PYGL: variants seen among roughly 807,000 people sequenced by gnomAD.
The protein encoded by PYGL is glycogen phosphorylase, liver form.
Under a neutral mutation model 100.1 loss-of-function variants are expected in PYGL, and 90 were observed. That is an observed-to-expected ratio of 0.90 (90% CI 0.76 to 1.07). PYGL has a LOEUF of 1.07. PYGL is among the 50% of genes least tolerant of loss of function. The pLI is 0.00. For synonymous variants in PYGL, 373 were observed against 393.0 expected, an observed-to-expected ratio of 0.95 and a Z score of 0.60; for missense variants, 1,016 against 1,057.6, an observed-to-expected ratio of 0.96 and a Z score of 0.55.
intron 4 of PYGL, among the ~76,000 whole-genome samples, chr14:50,927,175 T>A (rs187382875): frequency 4.6e-5 from 7 of 152,284 alleles, no homozygotes; most frequent in Admixed American, 6.5e-5. Flanking sequence ...TCCTGTGGGC[T>A]CAGTCCCTGA....
intron 3 of PYGL, among the ~76,000 whole-genome samples, chr14:50,932,779 G>A (rs1230002754): frequency 6.6e-6 from 1 of 152,138 alleles, no homozygotes; most frequent in Non-Finnish European, 1.5e-5. Flanking sequence ...TTTAAGCTGA[G>A]AAATATACAC....
At chr14:50,912,858 G>A in intron 13 of PYGL, 171 bp downstream of exon 13, 1 of 607,004 alleles carries the variant, frequency 1.6e-6, no homozygotes, top group Non-Finnish European at 2.9e-6. Context: ...GGAGGCTGAG[G>A]CGGGATAATC....
In PYGL at chr14:50,909,826, C is replaced by T; in HGVS notation, c.2177+69G>A. The T allele has an allele frequency of 2.6e-6, 4 of 1,551,416 alleles. No homozygotes were observed. The Admixed American group carries it at 6.7e-5, about 26-fold the overall frequency. On this transcript the variant is annotated intron_variant, in intron 17 of 19. Coordinates refer to ENST00000216392, the MANE Select transcript of PYGL (RefSeq NM_002863.5). The stretch of plus-strand genomic sequence containing the variant: ...TGGGATATCGGTGTGGGCAGGAAGC[C>T]CTCTGAGGTCACATACCTTCTAGGG...
At chr14:50,942,881 C>T (rs148508203) in intron 1 of PYGL, among the ~76,000 whole-genome samples, 43 of 152,184 alleles carry the variant, frequency 2.8e-4, no homozygotes, top group African/African-American at 9.9e-4. Context: ...TATATGTATA[C>T]ATAAAGTGTT....
Position 50,915,320 on chromosome 14 carries a change from A to T in PYGL, c.1403+16T>A. On this transcript the variant is annotated intron_variant, in intron 11 of 19. Coordinates refer to ENST00000216392, the MANE Select transcript of PYGL (RefSeq NM_002863.5). Reference sequence around the variant, plus strand: ...GGATCAGTGTCAGACCCACTGCCAGAGTAATGGAGGCTCACACTTTAGTCT... The same window carrying T: ...GGATCAGTGTCAGACCCACTGCCAGTGTAATGGAGGCTCACACTTTAGTCT... 6.2e-7 allele frequency: 1 copy of T among 1,613,842 alleles called. No individual in the cohort carries two copies. Among genetic ancestry groups the T allele is most frequent in the Non-Finnish European group, 8.5e-7 (1 of 1,179,694 alleles).
At chr14:50,926,748 A>G (rs938099899) in intron 4 of PYGL, among the ~76,000 whole-genome samples, 72 of 150,038 alleles carry the variant, frequency 4.8e-4, no homozygotes, top group African/African-American at 1.3e-3. Flanking sequence ...AAAAAAAAAA[A>G]AAAAAGAAAA....
rs778476620 is a variant in PYGL at position 50,915,375 on chromosome 14, C to T, written c.1364G>A (p.Gly455Asp). 6.2e-7 allele frequency: 1 copy of T among 1,614,190 alleles called. No homozygotes were observed. Among genetic ancestry groups the T allele is most frequent in the South Asian group, 1.1e-5 (1 of 91,078 alleles). Reference sequence around the variant, plus strand: ...GATGTCTGAGTGGATTTTAGCCACGCCATTCACAGCATGGGAACCGACAAT... The same window carrying T: ...GATGTCTGAGTGGATTTTAGCCACGTCATTCACAGCATGGGAACCGACAAT... ...LCIVGSHAVN[G>D]VAKIHSDIVK... Residue 455 changes from glycine to aspartate, a missense_variant, in exon 11 of 20, where the codon GGC (glycine) becomes GAC (aspartate). Gly to Asp is a moderately conservative substitution (Grantham distance 94). Coordinates refer to ENST00000216392, the MANE Select transcript of PYGL (RefSeq NM_002863.5).
intron 12 of PYGL, chr14:50,913,351 TTTTA>T (rs754006566): frequency 3.4e-5 from 8 of 233,000 alleles, no homozygotes; most frequent in East Asian, 9.1e-5. Flanking sequence ...TAAAAATTAT[TTTTA>T]TTTATTTATT....
chr14:50,913,163 T>C, intron 12 of PYGL, 33 bp from the exon 13 acceptor site: 1 of 1,597,594 alleles, frequency 6.3e-7, no homozygotes, highest in Non-Finnish European at 8.6e-7. Context: ...GACTTCAATT[T>C]GGGGATGGTA....
At chr14:50,914,865 T>A in intron 11 of PYGL, 50 bp from the exon 12 acceptor site, 1 of 1,353,378 alleles carries the variant, frequency 7.4e-7, no homozygotes, top group Non-Finnish European at 1.1e-6. Flanking sequence ...CGGCAAAGGG[T>A]CCTGCACACT....
intron 7 of PYGL, among the ~76,000 whole-genome samples, chr14:50,917,611 C>T (rs570795162): frequency 2.5e-4 from 38 of 152,224 alleles, no homozygotes; most frequent in African/African-American, 3.9e-4. Context: ...AGCACATGAC[C>T]GCCCTCCTGC....
chr14:50,908,019 T>C, intron 19 of PYGL: 2 of 272,010 alleles, frequency 7.4e-6, no homozygotes, highest in Non-Finnish European at 1.2e-5. Context: ...GAGATCTGTC[T>C]CAAAAAAAAA....
In PYGL at chr14:50,911,981, A is replaced by G. The variant is rs141456201; in HGVS notation, c.1824T>C (p.Gly608=). Residue 608 remains glycine (G), a synonymous_variant, in exon 15 of 20, where the codon GGT becomes GGC. Transcript: ENST00000216392. ...LFVPRTVIIG[G]KAAPGYHMAK... ...CCATTGAATAGATTCAACTTACTTT[A>G]CCACCAATGATAACTGTCCTTGGCA... 4.4e-5 allele frequency: 71 copies of G among 1,613,702 alleles called. No individual in the cohort carries two copies. In the African/African-American group the frequency reaches 8.4e-4, roughly 19 times the overall value.
rs752563721 is a variant in PYGL at position 50,944,428 on chromosome 14, G to C, written c.-25C>G. ...TGGCTGGGGCGGCGGGCTGCGCGGC[G>C]GGCTGCGCAGAGAGCTGGAAGTGCG... On this transcript the variant is annotated 5_prime_UTR_variant, in exon 1 of 20. Coordinates refer to ENST00000216392, the MANE Select transcript of PYGL (RefSeq NM_002863.5). The C allele has an allele frequency of 6.3e-7, 1 of 1,587,618 alleles. No individual in the cohort carries two copies. Among genetic ancestry groups the C allele is most frequent in the Non-Finnish European group, 8.5e-7 (1 of 1,169,992 alleles).
chr14:50,906,542 A>C lies in PYGL; in HGVS notation c.2380-986T>G, dbSNP rs10145332. The stretch of plus-strand genomic sequence containing the variant: ...AAAGCTGCAATTAGCACTAATGAAC[A>C]AGAAAGACCGAATCAAATGCTGGGT... On this transcript the variant is annotated intron_variant, in intron 19 of 19. Coordinates refer to ENST00000216392, the MANE Select transcript of PYGL (RefSeq NM_002863.5). Among the ~76,000 whole-genome samples, 717 of 152,372 alleles carry C rather than the reference A, an allele frequency of 4.7e-3. 9 individuals carry two copies. The highest frequency in any genetic ancestry group is 0.016 in the African/African-American group (661 of 41,584).
intron 19 of PYGL, among the ~76,000 whole-genome samples, chr14:50,906,646 A>G (rs2050339427): frequency 6.6e-6 from 1 of 151,992 alleles, no homozygotes; most frequent in Non-Finnish European, 1.5e-5. Flanking sequence ...CCTTGTTCAT[A>G]TTTTTCTTTC....
intron 16 of PYGL, among the ~76,000 whole-genome samples, chr14:50,910,891 AG>A (rs1380323917): frequency 6.6e-6 from 1 of 152,228 alleles, no homozygotes; most frequent in Non-Finnish European, 1.5e-5. Context: ...AGCTGCCTGA[AG>A]CACTTCCTTT....
chr14:50,918,432 T>C (rs1266373686), intron 7 of PYGL, among the ~76,000 whole-genome samples: 1 of 152,200 alleles, frequency 6.6e-6, no homozygotes, highest in African/African-American at 2.4e-5. Flanking sequence ...GTGGAATCAG[T>C]CTAGGCGCCC....
At position 50,905,218 on chromosome 14, in the gene PYGL, AGC is replaced by A; in HGVS notation, c.*172_*173del. On this transcript the variant is annotated 3_prime_UTR_variant, in exon 20 of 20. Coordinates refer to ENST00000216392, the MANE Select transcript of PYGL (RefSeq NM_002863.5). ...ATAAAATAAGTTTTGGCACTCATGT[AGC>A]CCTTGGAAATTGACACTTTATTTTT... 1 of 670,476 alleles carries A rather than the reference AGC, an allele frequency of 1.5e-6. No individual in the cohort carries two copies. Among genetic ancestry groups the A allele is most frequent in the Non-Finnish European group, 2.5e-6 (1 of 400,004 alleles). 41.5% of individuals were successfully genotyped at this position (670,476 alleles called of 1,614,324 possible).
Sources: allele counts gnomAD v4.1 joint callset (sites outside exome capture counted in the v4.1 genomes callset), GRCh38; gene constraint gnomAD v4.1.1; transcripts MANE v1.5; gene names NCBI Gene and HGNC (gene_info 2026-07-23, HGNC 2026-07-21).